Variants in RAD51B observed in about 807,000 individuals in gnomAD.
The protein encoded by RAD51B is DNA repair protein RAD51 homolog 2.
A neutral mutation model predicts 42.2 loss-of-function variants in RAD51B; 38 were observed. The observed-to-expected ratio is 0.90, with a 90% CI of 0.70 to 1.18. The LOEUF is 1.18. Among genes scored for constraint, RAD51B ranks in the 50% most tolerant of loss-of-function variants. RAD51B has a pLI of 0.00. For synonymous variants in RAD51B, 154 were observed against 145.2 expected, an observed-to-expected ratio of 1.06 and a Z score of -0.43; for missense variants, 373 against 400.7, an observed-to-expected ratio of 0.93 and a Z score of 0.59.
At chr14:68,459,930 G>A (rs2085801698) in intron 9 of RAD51B, among the ~76,000 whole-genome samples, 2 of 152,138 alleles carry the variant, frequency 1.3e-5, no homozygotes, top group Non-Finnish European at 2.9e-5. Flanking sequence ...GGGTGGGAAG[G>A]GGAAGGAAAT....
intron 7 of RAD51B, among the ~76,000 whole-genome samples, chr14:68,180,706 G>A (rs1011014441): frequency 6.6e-6 from 1 of 152,150 alleles, no homozygotes; most frequent in African/African-American, 2.4e-5. Context: ...TAAGTAGCTG[G>A]GAATGGAGAA....
At chr14:68,196,472 A>G (rs553619347) in intron 7 of RAD51B, among the ~76,000 whole-genome samples, 1 of 151,928 alleles carries the variant, frequency 6.6e-6, no homozygotes, top group African/African-American at 2.4e-5. Context: ...ACTTCTCCAC[A>G]TCTTCACACA....
chr14:68,395,780 G>A (rs28669317), intron 8 of RAD51B, among the ~76,000 whole-genome samples: 2 of 152,088 alleles, frequency 1.3e-5, no homozygotes, highest in Non-Finnish European at 2.9e-5. Flanking sequence ...ACATCAAGGG[G>A]TGTTTGCCCC....
chr14:68,300,302 C>A (rs1296695636), intron 8 of RAD51B, among the ~76,000 whole-genome samples: 1 of 152,104 alleles, frequency 6.6e-6, no homozygotes, highest in Non-Finnish European at 1.5e-5. Flanking sequence ...GCCTCCCAGG[C>A]TCCAGTGATC....
At chr14:68,417,001 G>T (rs2084577242) in intron 9 of RAD51B, among the ~76,000 whole-genome samples, 1 of 152,264 alleles carries the variant, frequency 6.6e-6, no homozygotes, top group African/African-American at 2.4e-5. Flanking sequence ...TTTTTTCCCA[G>T]ATAAGCTAAA....
At chr14:68,212,296 G>C (rs1326750317) in intron 7 of RAD51B, among the ~76,000 whole-genome samples, 2 of 152,216 alleles carry the variant, frequency 1.3e-5, no homozygotes, top group Admixed American at 1.3e-4. Context: ...CTTACATGCT[G>C]TATGACCTAA....
intron 7 of RAD51B, among the ~76,000 whole-genome samples, chr14:68,164,103 A>G (rs911137627): frequency 2.6e-5 from 4 of 152,240 alleles, no homozygotes; most frequent in Non-Finnish European, 2.9e-5. Context: ...TTTACAGAGC[A>G]GAGATGACAG....
At chr14:68,117,862 A>G (rs2077576722) in intron 7 of RAD51B, among the ~76,000 whole-genome samples, 1 of 152,216 alleles carries the variant, frequency 6.6e-6, no homozygotes, top group Non-Finnish European at 1.5e-5. Context: ...TGTCATTGCA[A>G]GAAATATTTT....
intron 7 of RAD51B, among the ~76,000 whole-genome samples, chr14:67,969,158 C>T (rs183911839): frequency 3.7e-4 from 56 of 152,238 alleles, no homozygotes; most frequent in Non-Finnish European, 3.1e-4. Flanking sequence ...TCTCCCACAA[C>T]GTGTAGGAAT....
At chr14:68,645,988 T>A (rs1427531505) in intron 10 of RAD51B, among the ~76,000 whole-genome samples, 1 of 152,108 alleles carries the variant, frequency 6.6e-6, no homozygotes, top group Non-Finnish European at 1.5e-5. Context: ...GTCAGTACAC[T>A]CAAAATATTC....
intron 7 of RAD51B, among the ~76,000 whole-genome samples, chr14:68,109,198 G>A (rs72725194): frequency 7.9e-5 from 12 of 151,884 alleles, no homozygotes; most frequent in Admixed American, 7.2e-4. Context: ...GGCATTTGAT[G>A]ACCACACACT....
intron 7 of RAD51B, among the ~76,000 whole-genome samples, chr14:68,272,661 ATATATTTTTTTTTTTTTTTTTTTTTTTT>A (rs1419152768): frequency 3.0e-4 from 5 of 16,874 alleles, no homozygotes; most frequent in South Asian, 2.6e-3. Context: ...ATATATATAT[ATATATTTTTTTTTTTTTTTTTTTTTTTT>A]TTTTTTTTTT....
chr14:68,292,083 G>T (rs1352886086), intron 8 of RAD51B, 103 bp downstream of exon 8: 4 of 1,089,554 alleles, frequency 3.7e-6, no homozygotes, highest in Admixed American at 1.9e-5. Flanking sequence ...AATAGGCCCT[G>T]GCCAGTGAAC....
chr14:67,860,513 T>G (rs2042130202), intron 4 of RAD51B, among the ~76,000 whole-genome samples: 1 of 152,210 alleles, frequency 6.6e-6, no homozygotes, highest in East Asian at 1.9e-4. Context: ...AATTTGCACA[T>G]TTCATTGCAT....
intron 10 of RAD51B, among the ~76,000 whole-genome samples, chr14:68,517,095 C>CT (rs1384749024): frequency 1.3e-5 from 2 of 152,108 alleles, no homozygotes; most frequent in Non-Finnish European, 2.9e-5. Context: ...ATGAAAGTGA[C>CT]TAGTGCAGAT....
intron 7 of RAD51B, among the ~76,000 whole-genome samples, chr14:68,115,143 C>G (rs2047336366): frequency 7.3e-6 from 1 of 137,188 alleles, no homozygotes; most frequent in South Asian, 2.2e-4. Context: ...TTGGAACCAA[C>G]CCAAATGTCC....
intron 10 of RAD51B, among the ~76,000 whole-genome samples, chr14:68,476,077 G>A (rs572116642): frequency 6.7e-6 from 1 of 150,056 alleles, no homozygotes; most frequent in East Asian, 2.0e-4. Context: ...CTTCCTTTTA[G>A]TAGCCCAGAA....
At chr14:67,987,905 G>A (rs986300054) in intron 7 of RAD51B, among the ~76,000 whole-genome samples, 8 of 152,230 alleles carry the variant, frequency 5.3e-5, no homozygotes, top group African/African-American at 1.9e-4. Context: ...GAGGAATAAA[G>A]TAACTGAAGT....
chr14:68,177,106 A>G (rs1484565256), intron 7 of RAD51B, among the ~76,000 whole-genome samples: 1 of 152,236 alleles, frequency 6.6e-6, no homozygotes, highest in Non-Finnish European at 1.5e-5. Context: ...GTTTCTGAGA[A>G]AAGTTTTTCT....
Sources: allele counts gnomAD v4.1 joint callset (sites outside exome capture counted in the v4.1 genomes callset), GRCh38; gene constraint gnomAD v4.1.1; transcripts MANE v1.5; gene names NCBI Gene and HGNC (gene_info 2026-07-23, HGNC 2026-07-21).